The following SOHLH1 variants were observed in gnomAD, a reference collection of about 807,000 sequenced individuals.
SOHLH1 encodes spermatogenesis- and oogenesis-specific basic helix-loop-helix-containing protein 1.
SOHLH1 carries 23 observed loss-of-function variants against 36.2 expected under a neutral mutation model. The ratio of observed to expected loss-of-function variants is 0.64; its 90% CI spans 0.46 to 0.90. The LOEUF (loss-of-function observed/expected upper bound fraction) is 0.90, where lower values mean the gene tolerates loss of function less well. Ranked by LOEUF, SOHLH1 falls within the 40% of genes least tolerant of loss-of-function variation. SOHLH1 has a pLI of 0.00. For synonymous variants in SOHLH1, 289 were observed against 228.3 expected, an observed-to-expected ratio of 1.27 and a Z score of -2.40; for missense variants, 608 against 517.0, an observed-to-expected ratio of 1.18 and a Z score of -1.71.
At chr9:135,695,364 G>A (rs529080738) in intron 5 of SOHLH1, 101 bp from the exon 6 acceptor site, 36 of 1,075,540 alleles carry the variant, frequency 3.3e-5, no homozygotes, top group Middle Eastern at 2.9e-4. Flanking sequence ...CACACTGACC[G>A]AGCACCTGCT....
At chr9:135,695,818 G>A (rs905087494) in intron 5 of SOHLH1, among the ~76,000 whole-genome samples, 1 of 152,142 alleles carries the variant, frequency 6.6e-6, no homozygotes, top group Non-Finnish European at 1.5e-5. Flanking sequence ...ACCCACAGAG[G>A]GACCAGAGCT....
chr9:135,695,139 G>A lies in SOHLH1; in HGVS notation c.786C>T (p.Gly262=), dbSNP rs751002538. Residue 262 remains glycine, a synonymous_variant, in exon 6 of 8, where the codon GGC becomes GGT. Transcript: ENST00000425225. ...CCAGGGGCCCAGCCTGGCCCAGCCAGCCAAGGGCCTCCCCGCTCATCACGG... is the reference window on the plus strand; with the variant it reads ...CCAGGGGCCCAGCCTGGCCCAGCCAACCAAGGGCCTCCCCGCTCATCACGG... ...TLPVMSGEAL[G]WLGQAGPLAM... is the part of the protein sequence containing the mutation. 28 of 1,599,096 alleles carry A rather than the reference G, an allele frequency of 1.8e-5. No homozygotes were observed. The highest frequency in any genetic ancestry group is 2.2e-5 in the Non-Finnish European group (26 of 1,174,804).
In SOHLH1 at chr9:135,698,395, G is replaced by T. The variant is rs1445775147; in HGVS notation, c.279C>A (p.Val93=). ...FDGRREDMAS[V]LEMSVQFLRL... ...GCAGGAACTGCACAGACATCTCCAG[G>T]ACCGAGGCCATGTCCTCCCGCCGGC... The change falls in exon 3 of 8, where the codon GTC becomes GTA. Residue 93 remains valine (V), a synonymous_variant. Coordinates refer to ENST00000425225, the MANE Select transcript of SOHLH1 (RefSeq NM_001101677.2). 1 of 1,612,992 alleles carries T rather than the reference G, an allele frequency of 6.2e-7. No homozygotes were observed. Among genetic ancestry groups the T allele is most frequent in the Admixed American group, 1.7e-5 (1 of 60,008 alleles).
intron 3 of SOHLH1, 58 bp downstream of exon 3, chr9:135,698,271 T>G: frequency 2.8e-5 from 45 of 1,602,346 alleles, no homozygotes; most frequent in Non-Finnish European, 3.4e-5. Flanking sequence ...TGCAAGGTGG[T>G]GAGATGTCCC....
In SOHLH1 at chr9:135,694,203, CAT is replaced by C. The variant is rs1299992186; in HGVS notation, c.946+182_946+183del. The stretch of plus-strand genomic sequence containing the variant: ...CACATCACGTTCACTCACACACTCA[CAT>C]ATCACCTATAACGCTCAATACCAGA... On this transcript the variant is annotated intron_variant, in intron 7 of 7. Coordinates refer to ENST00000425225, the MANE Select transcript of SOHLH1 (RefSeq NM_001101677.2). The C allele has an allele frequency of 3.5e-6, 5 of 1,447,898 alleles. No individual in the cohort carries two copies. The African/African-American group carries it at 5.7e-5, about 16-fold the overall frequency. The allele number at this position is 1,447,898 out of a possible 1,614,324, so 89.7% of individuals were successfully genotyped here.
At position 135,695,184 on chromosome 9, in the gene SOHLH1, G is replaced by A. The variant is rs775086063; in HGVS notation, c.741C>T (p.Phe247=). The part of the protein sequence containing the change: ...AVRPPLSWPP[F]SQQQTLPVMS... Reference sequence around the variant, plus strand: ...TCACGGGCAAGGTCTGCTGCTGCGAGAACGGAGGCCAGGACAGGGGTGGCC... The same window carrying A: ...TCACGGGCAAGGTCTGCTGCTGCGAAAACGGAGGCCAGGACAGGGGTGGCC... Residue 247 remains phenylalanine (F), a synonymous_variant, in exon 6 of 8, where the codon TTC becomes TTT. Transcript: ENST00000425225. The A allele has an allele frequency of 6.2e-7, 1 of 1,604,678 alleles. No individual in the cohort carries two copies. Among genetic ancestry groups the A allele is most frequent in the Non-Finnish European group, 8.5e-7 (1 of 1,177,242 alleles).
In SOHLH1 at chr9:135,695,274, A is replaced by G; in HGVS notation, c.662-11T>C. On this transcript the variant is annotated splice_polypyrimidine_tract_variant and intron_variant, in intron 5 of 7. Coordinates refer to ENST00000425225, the MANE Select transcript of SOHLH1 (RefSeq NM_001101677.2). ...CCAGGCTGGAAGGTTCTGGGAGAGA[A>G]GTCAGATGCGGGTCAGCCTTCCCTG... The G allele has an allele frequency of 6.3e-7, 1 of 1,583,848 alleles. No individual in the cohort carries two copies. Among genetic ancestry groups the G allele is most frequent in the Non-Finnish European group, 8.6e-7 (1 of 1,166,848 alleles).
chr9:135,700,824 C>T (rs560563759), upstream of SOHLH1, among the ~76,000 whole-genome samples: 5 of 152,244 alleles, frequency 3.3e-5, no homozygotes, highest in East Asian at 9.7e-4. Context: ...GGCCCCTCTC[C>T]CGGCCCTGCC....
chr9:135,696,674 G>C lies in SOHLH1; in HGVS notation c.599C>G (p.Thr200Arg). The change falls in exon 5 of 8, where the codon ACG becomes AGG. Residue 200 changes from threonine (T) to arginine (R), a missense_variant. Coordinates refer to ENST00000425225, the MANE Select transcript of SOHLH1 (RefSeq NM_001101677.2). ...WDPASCTSLG[T>R]DKCEALLGLC... ...CCCCAACAGTGCCTCACACTTGTCC[G>C]TGCCCAGGGACGTGCAGCTCGCGGG... The C allele has an allele frequency of 6.2e-7, 1 of 1,612,886 alleles. No homozygotes were observed. Among genetic ancestry groups the C allele is most frequent in the Non-Finnish European group, 8.5e-7 (1 of 1,179,900 alleles).
upstream of SOHLH1, among the ~76,000 whole-genome samples, chr9:135,700,156 T>TAGGG (rs1834981940): frequency 6.6e-6 from 1 of 152,100 alleles, no homozygotes; most frequent in South Asian, 2.1e-4. Context: ...CACCTGGCCC[T>TAGGG]GCCCAAGCAC....
rs960240670 is a variant in SOHLH1, at chr9:135,699,256, G to A, written c.66-130C>T. ...ACTGGGTCACGTAGGGACACGGCCC[G>A]GCCCTCTCTGCACCCCTTCCCCTCT... On this transcript the variant is annotated intron_variant, in intron 1 of 7. Transcript: ENST00000425225. 2.0e-6 allele frequency: 3 copies of A among 1,502,066 alleles called. No individual in the cohort carries two copies. The South Asian group carries it at 3.6e-5, about 18-fold the overall frequency. The allele number at this position is 1,502,066 out of a possible 1,614,324, so 93.0% of individuals were successfully genotyped here.
chr9:135,697,992 G>A (rs886880269), intron 3 of SOHLH1, among the ~76,000 whole-genome samples: 4 of 152,114 alleles, frequency 2.6e-5, no homozygotes, highest in South Asian at 4.2e-4. Context: ...GAGACGTGCA[G>A]AGAAATGATC....
chr9:135,701,025 C>T (rs1189053409), upstream of SOHLH1, among the ~76,000 whole-genome samples: 2 of 152,202 alleles, frequency 1.3e-5, no homozygotes, highest in Admixed American at 6.5e-5. Context: ...TTTCTGAGTT[C>T]CCCAGGCAGG....
chr9:135,695,216 C>A lies in SOHLH1; in HGVS notation c.709G>T (p.Ala237Ser). The stretch of plus-strand genomic sequence containing the variant: ...GGCCAGGACAGGGGTGGCCTCACAG[C>A]CTTAGGAAGACTCCGGCCTGGGGGC... ...PWPPGRSLPK[A>S]VRPPLSWPPF... is the part of the protein sequence containing the mutation. Residue 237 changes from alanine to serine, a missense_variant, in exon 6 of 8, where the codon GCT becomes TCT. Physicochemically the swap from Ala to Ser is moderately conservative, Grantham distance 99. Transcript: ENST00000425225. 1 of 1,605,592 alleles carries A rather than the reference C, an allele frequency of 6.2e-7. No individual in the cohort carries two copies. The highest frequency in any genetic ancestry group is 1.1e-5 in the South Asian group (1 of 89,260).
upstream of SOHLH1, among the ~76,000 whole-genome samples, chr9:135,701,212 C>G (rs142106106): frequency 5.3e-4 from 80 of 152,302 alleles, 1 homozygote; most frequent in African/African-American, 1.9e-3. Flanking sequence ...TCCTAGACTT[C>G]CCCGAGTGTT....
rs1459643029 is a variant in SOHLH1 at position 135,696,796 on chromosome 9, A to T, written c.477T>A (p.Asp159Glu). The T allele has an allele frequency of 6.2e-7, 1 of 1,612,802 alleles. No individual in the cohort carries two copies. Among genetic ancestry groups the T allele is most frequent in the African/African-American group, 1.3e-5 (1 of 74,904 alleles). Residue 159 changes from aspartate to glutamate, a missense_variant, in exon 5 of 8, where the codon GAT becomes GAA. Physicochemically the swap from Asp to Glu is conservative, Grantham distance 45 (BLOSUM62 2). Transcript: ENST00000425225. ...TGASSGTRTP[D>E]VKAFLESPWS... ...AAGGACTTTCCAGAAACGCCTTCAC[A>T]TCTGGGGTTCTAGAAGGAGCAACAT...
chr9:135,697,331 T>C (rs918538371), intron 4 of SOHLH1, among the ~76,000 whole-genome samples, 175 bp downstream of exon 4: 1 of 152,114 alleles, frequency 6.6e-6, no homozygotes, highest in Non-Finnish European at 1.5e-5. Context: ...AGCTCGCCCA[T>C]GTTGGTCACC....
chr9:135,695,019 A>G, intron 6 of SOHLH1, 31 bp downstream of exon 6: 1 of 1,561,122 alleles, frequency 6.4e-7, no homozygotes, highest in Non-Finnish European at 8.7e-7. Context: ...GCTCACGCAC[A>G]CACAGGCGTG....
Position 135,698,444 on chromosome 9 carries a change from C to G in SOHLH1, c.230G>C (p.Arg77Pro). The G allele has an allele frequency of 1.2e-6, 2 of 1,613,196 alleles. No homozygotes were observed. The highest frequency in any genetic ancestry group is 1.7e-6 in the Non-Finnish European group (2 of 1,180,016). Residue 77 changes from arginine (R) to proline (P), a missense_variant, in exon 3 of 8, where the codon CGG becomes CCG. Coordinates refer to ENST00000425225, the MANE Select transcript of SOHLH1 (RefSeq NM_001101677.2). Reference protein sequence around the residue: ...KRMSLSCERLRALLPQFDGRR... With the variant: ...KRMSLSCERLPALLPQFDGRR... Reference sequence around the variant, plus strand: ...GCCATCGAACTGGGGCAGCAGGGCCCGCAGACGCTCACAGCTCAACGACAT... The same window carrying G: ...GCCATCGAACTGGGGCAGCAGGGCCGGCAGACGCTCACAGCTCAACGACAT...
Sources: gnomAD v4.1 joint callset for allele counts (sites outside exome capture counted in the v4.1 genomes callset) on GRCh38, gnomAD v4.1.1 for gene constraint, MANE v1.5 for transcripts, NCBI Gene and HGNC (gene_info 2026-07-23, HGNC 2026-07-21) for gene names.